Variants in NLRP7 observed in about 807,000 individuals in gnomAD.
NLRP7 encodes NLR family pyrin domain containing 7.
Under a neutral mutation model 85.5 loss-of-function variants are expected in NLRP7, and 72 were observed. The ratio of observed to expected loss-of-function variants is 0.84; its 90% CI spans 0.70 to 1.02. NLRP7 has a LOEUF of 1.02. NLRP7 is among the 50% of genes least tolerant of loss of function. The pLI is 0.00. For missense variants in NLRP7, 1,243 were observed against 1,219.5 expected (o/e 1.02, Z -0.29); for synonymous variants, 550 against 505.2 (o/e 1.09, Z -1.19).
chr19:54,943,624 G>T (rs1402317267), intron 1 of NLRP7, among the ~76,000 whole-genome samples: 1 of 152,052 alleles, frequency 6.6e-6, no homozygotes, highest in Non-Finnish European at 1.5e-5. Context: ...GGGGGAAGAG[G>T]CAGCCTGGAA....
chr19:54,946,195 C>A (rs2146251409), intron 1 of NLRP7, among the ~76,000 whole-genome samples: 1 of 152,056 alleles, frequency 6.6e-6, no homozygotes. Context: ...GCGTGAGCCA[C>A]CGCATCTGGC....
chr19:54,941,559 G>A, exon 2 of NLRP7: 4 of 1,613,882 alleles, frequency 2.5e-6, no homozygotes, highest in Non-Finnish European at 3.4e-6. Flanking sequence ...CCAGTTTCTT[G>A]CCATCAGCCT....
At chr19:54,942,975 C>T (rs1176168921) in intron 1 of NLRP7, among the ~76,000 whole-genome samples, 1 of 151,424 alleles carries the variant, frequency 6.6e-6, no homozygotes. Context: ...GGTGAAACCC[C>T]ATCTCTACTA....
At chr19:54,947,652 A>G (rs1177213366), upstream of NLRP7, 8 of 1,288,974 alleles carry the variant, frequency 6.2e-6, no homozygotes, top group Non-Finnish European at 7.1e-6. Context: ...CCTTGACATC[A>G]CCTGGGCCCC....
At chr19:54,924,406 T>C (rs2068346600) in intron 9 of NLRP7, among the ~76,000 whole-genome samples, 1 of 152,160 alleles carries the variant, frequency 6.6e-6, no homozygotes, top group Admixed American at 6.6e-5. Flanking sequence ...GCAGATTGCT[T>C]GAGCTCCGCA....
chr19:54,938,881 T>A lies in NLRP7; in HGVS notation c.1931+7A>T. The A allele has an allele frequency of 6.2e-7, 1 of 1,613,920 alleles. No homozygotes were observed. Among genetic ancestry groups the A allele is most frequent in the Non-Finnish European group, 8.5e-7 (1 of 1,179,982 alleles). On this transcript the variant is annotated splice_region_variant and intron_variant, in intron 4 of 9. Coordinates refer to ENST00000340844, the Ensembl canonical transcript of NLRP7. ...AGTGGAGCGTGGGATGGGAAAACAG[T>A]TCTTACCTTTCAAATTCAATGTCCA...
chr19:54,929,455 A>C (rs1037417382), intron 9 of NLRP7, among the ~76,000 whole-genome samples: 1 of 152,168 alleles, frequency 6.6e-6, no homozygotes, highest in Admixed American at 6.6e-5. Context: ...TTCTCTTTGC[A>C]TTAGGATTGC....
chr19:54,925,997 T>G (rs2068418484), intron 9 of NLRP7, among the ~76,000 whole-genome samples: 1 of 150,676 alleles, frequency 6.6e-6, no homozygotes, highest in Non-Finnish European at 1.5e-5. Flanking sequence ...CTGGAGTCTC[T>G]GTCTCAAAAA....
upstream of NLRP7, chr19:54,947,588 AC>A: frequency 3.9e-6 from 5 of 1,289,526 alleles, no homozygotes; most frequent in Non-Finnish European, 5.1e-6. Context: ...CCAGGGTGGA[AC>A]CGCCCCACTG....
intron 8 of NLRP7, 117 bp from the exon 9 acceptor site, chr19:54,930,783 T>C (rs1444207566): frequency 7.0e-6 from 6 of 852,418 alleles, no homozygotes; most frequent in Non-Finnish European, 1.2e-5. Flanking sequence ...TGCTGCACTC[T>C]TGGCTCACTG....
At chr19:54,948,199 C>T (rs562017322), upstream of NLRP7, among the ~76,000 whole-genome samples, 2 of 152,200 alleles carry the variant, frequency 1.3e-5, no homozygotes, top group South Asian at 2.1e-4. Context: ...GACTGGCCAA[C>T]GTGGTGAAAC....
Position 54,939,771 on chromosome 19 carries a change from T to A in NLRP7, c.1048A>T (p.Met350Leu), listed in dbSNP as rs755204285. 1.3e-5 allele frequency: 21 copies of A among 1,613,678 alleles called. No homozygotes were observed. The East Asian group carries it at 4.7e-4, about 36-fold the overall frequency. The change falls in exon 4 of 10, where the codon ATG (methionine) becomes TTG (leucine). Residue 350 changes from methionine to leucine, a missense_variant. Transcript: ENST00000340844. ...TGGAACAGGGCCGCGTTGCTCCTCA[T>A]TAGCTCAAAGGCACGCATGGCTTGG...
intron 1 of NLRP7, among the ~76,000 whole-genome samples, chr19:54,954,963 C>T (rs1052284879): frequency 2.6e-5 from 4 of 152,138 alleles, no homozygotes; most frequent in Admixed American, 1.3e-4. Flanking sequence ...TCCATAGTCT[C>T]GCCCTGAATT....
At chr19:54,947,705 G>A (rs2069536296), upstream of NLRP7, 1 of 1,198,720 alleles carries the variant, frequency 8.3e-7, no homozygotes, top group South Asian at 1.3e-5. Context: ...GTGGGCTTTG[G>A]AGAATTACGG....
chr19:54,964,652 G>A (rs2070258772), intron 1 of NLRP7, among the ~76,000 whole-genome samples: 1 of 150,650 alleles, frequency 6.6e-6, no homozygotes, highest in East Asian at 2.0e-4. Context: ...GCAAAACCCC[G>A]TCTCTATTGA....
Position 54,934,079 on chromosome 19 carries a change from G to C in NLRP7, c.2472-340C>G, listed in dbSNP as rs1006551046. On this transcript the variant is annotated intron_variant, in intron 7 of 9. Coordinates refer to ENST00000340844, the Ensembl canonical transcript of NLRP7. The surrounding 1 kb of genome is among the most constrained non-coding windows in gnomAD (Gnocchi z 6.7). Reference sequence around the variant, plus strand: ...CTGACTCAGCCTCCTGAGTAGCTGGGACTACAGGCGCCCACCACACCTGGA... The same window carrying C: ...CTGACTCAGCCTCCTGAGTAGCTGGCACTACAGGCGCCCACCACACCTGGA... Among the ~76,000 whole-genome samples the C allele has an allele frequency of 5.3e-5, 8 of 152,092 alleles. No homozygotes were observed. The highest frequency in any genetic ancestry group is 1.2e-4 in the Non-Finnish European group (8 of 68,012).
intron 9 of NLRP7, among the ~76,000 whole-genome samples, chr19:54,926,031 C>CAGACTCCGTCTCAAAAAAA (rs574670066): frequency 3.7e-4 from 56 of 150,686 alleles, no homozygotes; most frequent in African/African-American, 1.3e-3. Context: ...AAAAAAAAGA[C>CAGACTCCGTCTCAAAAAAA]AGACTCCGTC....
intron 1 of NLRP7, among the ~76,000 whole-genome samples, chr19:54,943,061 C>T (rs1394846656): frequency 2.0e-5 from 3 of 151,018 alleles, no homozygotes; most frequent in African/African-American, 7.3e-5. Flanking sequence ...GCAGGAGAAT[C>T]GCTTGAACCC....
intron 9 of NLRP7, among the ~76,000 whole-genome samples, chr19:54,928,179 C>T (rs993379263): frequency 1.1e-4 from 17 of 152,164 alleles, no homozygotes; most frequent in Non-Finnish European, 1.6e-4. Flanking sequence ...CAGATTGCGC[C>T]ACTGCACTCC....
Sources: allele counts gnomAD v4.1 joint callset (sites outside exome capture counted in the v4.1 genomes callset), GRCh38; gene constraint gnomAD v4.1.1; non-coding constraint Gnocchi (gnomAD v3.1); transcripts MANE v1.5; gene names NCBI Gene and HGNC (gene_info 2026-07-23, HGNC 2026-07-21).